The following MTCH1 variants were observed in gnomAD, a reference collection of about 807,000 sequenced individuals.
MTCH1 encodes the protein mitochondrial carrier homolog 1.
Under a neutral mutation model 49.3 loss-of-function variants are expected in MTCH1, and 23 were observed. The observed-to-expected ratio is 0.47, with a 90% CI of 0.34 to 0.66. The LOEUF is 0.66. MTCH1 is among the 30% of genes least tolerant of loss of function. The pLI, the probability that MTCH1 is intolerant of heterozygous loss-of-function variation, is 0.01. For missense variants in MTCH1, 397 were observed against 532.1 expected, an observed-to-expected ratio of 0.75 and a Z score of 2.50; for synonymous variants, 229 against 215.2, an observed-to-expected ratio of 1.06 and a Z score of -0.56.
In MTCH1 at chr6:36,968,491, G is replaced by GA. The variant is rs1178377114; in HGVS notation, c.*411dup. On this transcript the variant is annotated 3_prime_UTR_variant, in exon 12 of 12. Transcript: ENST00000373627. ...ACCACACCCTATGTACAAAGCAGGA[G>GA]AATGATGCTCCCAGCTGAGCTGCAG... is the stretch of plus-strand genomic sequence containing the variant. 2 of 358,208 alleles carry GA rather than the reference G, an allele frequency of 5.6e-6. No homozygotes were observed. The highest frequency in any genetic ancestry group is 4.3e-5 in the African/African-American group (2 of 46,764). The allele number at this position is 358,208 out of a possible 1,614,324, so 22.2% of individuals were successfully genotyped here. A position where few individuals can be genotyped will look rare whatever the true frequency, so the allele number is the denominator to read the frequency against.
intron 10 of MTCH1, 81 bp downstream of exon 10, chr6:36,970,325 G>A: frequency 1.3e-6 from 2 of 1,560,458 alleles, no homozygotes; most frequent in Non-Finnish European, 1.8e-6. Context: ...GGAGGGGGCA[G>A]AGTGCTGGAA....
In MTCH1 at chr6:36,972,987, G is replaced by C. The variant is rs1207626392; in HGVS notation, c.762-191C>G. Among the ~76,000 whole-genome samples the C allele has an allele frequency of 6.6e-6, 1 of 152,102 alleles. No individual in the cohort carries two copies. Among genetic ancestry groups the C allele is most frequent in the Non-Finnish European group, 1.5e-5 (1 of 68,040 alleles). ...GGAAGATAGTGCTCCTTTTCCCATG[G>C]GGAGGTGTTCTATGCCGCTTTGGAT... On this transcript the variant is annotated intron_variant, in intron 7 of 11. Coordinates refer to ENST00000373627, the MANE Select transcript of MTCH1 (RefSeq NM_001271641.2). The surrounding 1 kb of genome is among the most constrained non-coding windows in gnomAD (Gnocchi z 4.1).
At chr6:36,985,463 C>A (rs796382391) in intron 1 of MTCH1, among the ~76,000 whole-genome samples, 8 of 152,182 alleles carry the variant, frequency 5.3e-5, no homozygotes, top group African/African-American at 1.9e-4. Context: ...GCCCCTCCCC[C>A]AATTCTATTG....
chr6:36,973,341 G>C (rs930798802), intron 7 of MTCH1, among the ~76,000 whole-genome samples: 4 of 152,182 alleles, frequency 2.6e-5, no homozygotes, highest in African/African-American at 9.7e-5. Context: ...GAGGGCAAAA[G>C]GCCAGTTTGA....
upstream of MTCH1, chr6:36,986,288 G>T: frequency 1.0e-6 from 1 of 1,003,210 alleles, no homozygotes; most frequent in Non-Finnish European, 1.3e-6. Context: ...TCGGGAGCGT[G>T]GTGCGGCGGG....
At chr6:36,975,589 G>A in intron 7 of MTCH1, 69 bp downstream of exon 7, 1 of 1,481,850 alleles carries the variant, frequency 6.7e-7, no homozygotes, top group Non-Finnish European at 9.4e-7. Context: ...TGCGGTCTGA[G>A]AGGTTGAGGA....
chr6:36,969,561 T>TC (rs1458041135), intron 11 of MTCH1: 2 of 1,150,806 alleles, frequency 1.7e-6, no homozygotes, highest in African/African-American at 3.2e-5. Context: ...TGCTGCCAGT[T>TC]CCCCACGTGG....
Position 36,977,672 on chromosome 6 carries a change from A to G in MTCH1, c.611T>C (p.Met204Thr). The change falls in exon 5 of 12, where the codon ATG (methionine) becomes ACG (threonine). Residue 204 changes from methionine to threonine, a missense_variant. Met to Thr is a moderately conservative substitution (Grantham distance 81). Transcript: ENST00000373627. The surrounding 1 kb of genome is among the most constrained non-coding windows in gnomAD (Gnocchi z 5.4). ...GGCCAACATGCGGGACACACACTGC[A>G]TCATCATCTCGTAGGAGGTCTGGAA... ...VVKETSYEMMMQCVSRMLAHP... is the reference protein window; with the variant it reads ...VVKETSYEMMTQCVSRMLAHP... The G allele has an allele frequency of 6.2e-7, 1 of 1,610,338 alleles. No individual in the cohort carries two copies. The highest frequency in any genetic ancestry group is 8.5e-7 in the Non-Finnish European group (1 of 1,178,410).
chr6:36,980,774 G>C (rs1285386056), intron 2 of MTCH1, among the ~76,000 whole-genome samples: 2 of 152,184 alleles, frequency 1.3e-5, no homozygotes, highest in South Asian at 4.1e-4. Context: ...CTGTGAACAC[G>C]GAGAAAAAGG....
chr6:36,972,612 C>T lies in MTCH1; in HGVS notation c.906+40G>A. On this transcript the variant is annotated intron_variant, in intron 8 of 11. Transcript: ENST00000373627. The surrounding 1 kb of genome is among the most constrained non-coding windows in gnomAD (Gnocchi z 4.1). Reference sequence around the variant, plus strand: ...GTTTGTCCCAGACCCTGGGCATCAGCAGCACACGGAAAGAAGGACAAGTCC... The same window carrying T: ...GTTTGTCCCAGACCCTGGGCATCAGTAGCACACGGAAAGAAGGACAAGTCC... 6.5e-7 allele frequency: 1 copy of T among 1,532,530 alleles called. No individual in the cohort carries two copies. Among genetic ancestry groups the T allele is most frequent in the Non-Finnish European group, 8.8e-7 (1 of 1,132,386 alleles). 94.9% of individuals were successfully genotyped at this position (1,532,530 alleles called of 1,614,324 possible).
intron 1 of MTCH1, among the ~76,000 whole-genome samples, chr6:36,983,285 G>A (rs3798477): frequency 0.14 from 21,987 of 152,142 alleles, 1,809 homozygotes; most frequent in Admixed American, 0.21. Flanking sequence ...AAGCTCCAAG[G>A]TTGTTCTGAA....
intron 11 of MTCH1, chr6:36,969,323 G>A (rs541480735): frequency 5.7e-5 from 64 of 1,113,732 alleles, no homozygotes; most frequent in Non-Finnish European, 6.7e-5. Context: ...GAAGAACTGC[G>A]GCTCTCCTCC....
At chr6:36,968,995 A>G (rs7772210) in intron 11 of MTCH1, 21 bp from the exon 12 acceptor site, 441,929 of 1,612,720 alleles carry the variant, frequency 0.27, 62,491 homozygotes, top group Admixed American at 0.33. Context: ...AGGAAAAGTA[A>G]GGTGAGTGAA....
At chr6:36,980,338 A>G (rs558384388) in intron 2 of MTCH1, among the ~76,000 whole-genome samples, 3 of 152,364 alleles carry the variant, frequency 2.0e-5, no homozygotes, top group Admixed American at 6.5e-5. Flanking sequence ...CTCGCCTCTC[A>G]GAACACAGCA....
At position 36,978,115 on chromosome 6, in the gene MTCH1, T is replaced by A. The variant is rs781739203; in HGVS notation, c.554A>T (p.Asp185Val). ...TTTCTTCAGGGAAGTCTTCATATCA[T>A]CCTTGTTGGAAACCTGCTCAATCTC... is the stretch of plus-strand genomic sequence containing the variant. ...PDEIEQVSNKDDMKTSLKKVV... is the reference protein window; with the variant it reads ...PDEIEQVSNKVDMKTSLKKVV... The change falls in exon 4 of 12, where the codon GAT becomes GTT. Residue 185 changes from aspartate to valine, a missense_variant. Transcript: ENST00000373627. The A allele has an allele frequency of 8.1e-6, 13 of 1,613,906 alleles. No homozygotes were observed. The Admixed American group carries it at 2.2e-4, about 27-fold the overall frequency.
Position 36,970,390 on chromosome 6 carries a change from A to G in MTCH1, c.1022+16T>C, listed in dbSNP as rs1277326693. ...CCTTGGTAGGTAGAGTGGCAAGTAG[A>G]GGGGCGCACACCTACCCGCAGTTGT... is the stretch of plus-strand genomic sequence containing the variant. On this transcript the variant is annotated intron_variant, in intron 10 of 11. Coordinates refer to ENST00000373627, the MANE Select transcript of MTCH1 (RefSeq NM_001271641.2). 2 of 1,613,860 alleles carry G rather than the reference A, an allele frequency of 1.2e-6. No individual in the cohort carries two copies. The highest frequency in any genetic ancestry group is 1.7e-6 in the Non-Finnish European group (2 of 1,179,882).
chr6:36,978,439 G>T, intron 3 of MTCH1, 66 bp downstream of exon 3: 1 of 1,494,336 alleles, frequency 6.7e-7, no homozygotes, highest in Non-Finnish European at 9.3e-7. Flanking sequence ...GTAACTGGCT[G>T]CTGCAGGGGT....
rs1350141633 is a variant in MTCH1, at chr6:36,972,381, C to A, written c.906+271G>T. Among the ~76,000 whole-genome samples, 1 of 152,176 alleles carries A rather than the reference C, an allele frequency of 6.6e-6. No homozygotes were observed. The highest frequency in any genetic ancestry group is 2.4e-5 in the African/African-American group (1 of 41,434). ...GACTTCCTGAGCCCTAGTTGGGTCACTGCCTCGGAGCAGCCTTAGATAAGC... is the reference window on the plus strand; with the variant it reads ...GACTTCCTGAGCCCTAGTTGGGTCAATGCCTCGGAGCAGCCTTAGATAAGC... On this transcript the variant is annotated intron_variant, in intron 8 of 11. Coordinates refer to ENST00000373627, the MANE Select transcript of MTCH1 (RefSeq NM_001271641.2). This position sits in a 1 kb window ranked among gnomAD's most constrained non-coding sequence, Gnocchi z 4.1.
rs1171680842 is a variant in MTCH1 at position 36,977,811 on chromosome 6, G to A, written c.592-120C>T. ...TGTCCCAGGGACTGCACATGGGGTC[G>A]GTCTGCCAAGGATGGCTCCACCTGT... is the stretch of plus-strand genomic sequence containing the variant. On this transcript the variant is annotated intron_variant, in intron 4 of 11. Coordinates refer to ENST00000373627, the MANE Select transcript of MTCH1 (RefSeq NM_001271641.2). The surrounding 1 kb of genome is among the most constrained non-coding windows in gnomAD (Gnocchi z 5.4). 4 of 922,282 alleles carry A rather than the reference G, an allele frequency of 4.3e-6. No individual in the cohort carries two copies. The highest frequency in any genetic ancestry group is 5.0e-6 in the Non-Finnish European group (3 of 599,122). 57.1% of individuals were successfully genotyped at this position (922,282 alleles called of 1,614,324 possible). A position where few individuals can be genotyped will look rare whatever the true frequency, so the allele number is the denominator to read the frequency against.
Sources: allele counts gnomAD v4.1 joint callset (sites outside exome capture counted in the v4.1 genomes callset), GRCh38; gene constraint gnomAD v4.1.1; non-coding constraint Gnocchi (gnomAD v3.1); transcripts MANE v1.5; gene names NCBI Gene and HGNC (gene_info 2026-07-23, HGNC 2026-07-21).